SFXN5: variants seen among roughly 807,000 people sequenced by gnomAD.
SFXN5 encodes the protein sideroflexin-5.
A neutral mutation model predicts 50.2 loss-of-function variants in SFXN5; 43 were observed. That is an observed-to-expected ratio of 0.86 (90% confidence interval 0.67 to 1.11). The LOEUF (loss-of-function observed/expected upper bound fraction) is 1.11, where lower values mean the gene tolerates loss of function less well. SFXN5 is among the 50% of genes least tolerant of loss of function. SFXN5 has a pLI of 0.00. For missense variants in SFXN5, 463 were observed against 454.1 expected (o/e 1.02, Z -0.18); for synonymous variants, 203 against 185.8 (o/e 1.09, Z -0.75).
intron 6 of SFXN5, among the ~76,000 whole-genome samples, chr2:73,001,785 A>C (rs1294067554): frequency 6.6e-6 from 1 of 152,212 alleles, no homozygotes; most frequent in African/African-American, 2.4e-5. Flanking sequence ...GCATAATCTT[A>C]TTTATTTAAA....
chr2:73,018,957 T>A (rs1676493898), intron 6 of SFXN5, among the ~76,000 whole-genome samples: 1 of 152,186 alleles, frequency 6.6e-6, no homozygotes, highest in East Asian at 1.9e-4. Context: ...AATGAGGGCA[T>A]ATATCCACTA....
At chr2:73,037,036 C>T (rs1351665681) in intron 3 of SFXN5, among the ~76,000 whole-genome samples, 1 of 152,260 alleles carries the variant, frequency 6.6e-6, no homozygotes, top group African/African-American at 2.4e-5. Flanking sequence ...CAAGGTGCTG[C>T]TTCCGCTCAT....
chr2:73,046,237 C>T (rs1680303582), intron 2 of SFXN5, among the ~76,000 whole-genome samples: 1 of 151,866 alleles, frequency 6.6e-6, no homozygotes, highest in Non-Finnish European at 1.5e-5. Context: ...GGTGAAACCC[C>T]ATCTCTACTG....
intron 12 of SFXN5, 92 bp downstream of exon 12, chr2:72,968,355 AC>A: frequency 8.7e-7 from 1 of 1,145,896 alleles, no homozygotes; most frequent in Non-Finnish European, 1.3e-6. Flanking sequence ...GCTTCCTGCC[AC>A]CCCCTCATCT....
At chr2:73,007,980 G>A (rs1265052481) in intron 6 of SFXN5, among the ~76,000 whole-genome samples, 1 of 152,200 alleles carries the variant, frequency 6.6e-6, no homozygotes, top group Non-Finnish European at 1.5e-5. Context: ...CATGGCTGGG[G>A]TCTGGTAATG....
At chr2:72,989,649 A>G (rs545022595) in intron 9 of SFXN5, among the ~76,000 whole-genome samples, 2 of 152,140 alleles carry the variant, frequency 1.3e-5, no homozygotes, top group Non-Finnish European at 2.9e-5. Flanking sequence ...GACGGCATGG[A>G]AAAGGCAAAG....
At position 72,970,775 on chromosome 2, in the gene SFXN5, C is replaced by T. The variant is rs1224199724; in HGVS notation, c.741+795G>A. On this transcript the variant is annotated intron_variant, in intron 11 of 13. Coordinates refer to ENST00000272433, the MANE Select transcript of SFXN5 (RefSeq NM_144579.3). ...TGATCTCGGCTCACTGCAACTTCTA[C>T]CCCCCGGGTTCAAGCAATTCTCCTG... 2.0e-5 allele frequency among the ~76,000 whole-genome samples: 3 copies of T among 151,818 alleles called. No homozygotes were observed. The East Asian group carries it at 5.8e-4, about 29-fold the overall frequency.
At chr2:73,010,156 T>C (rs1024389269) in intron 6 of SFXN5, among the ~76,000 whole-genome samples, 1 of 152,234 alleles carries the variant, frequency 6.6e-6, no homozygotes, top group Non-Finnish European at 1.5e-5. Context: ...CCCTTCTTTC[T>C]TACTAATAGA....
chr2:73,033,943 C>CA (rs1356680138), intron 3 of SFXN5, among the ~76,000 whole-genome samples: 1 of 152,154 alleles, frequency 6.6e-6, no homozygotes, highest in Non-Finnish European at 1.5e-5. Context: ...GTACACTGGA[C>CA]AGCCCTCGCA....
At chr2:73,016,263 T>A (rs1182200420) in intron 6 of SFXN5, among the ~76,000 whole-genome samples, 1 of 152,244 alleles carries the variant, frequency 6.6e-6, no homozygotes, top group Non-Finnish European at 1.5e-5. Context: ...TTGGCATTAT[T>A]CATGATGGCA....
At chr2:72,952,915 G>T (rs1672690537) in intron 13 of SFXN5, among the ~76,000 whole-genome samples, 1 of 152,132 alleles carries the variant, frequency 6.6e-6, no homozygotes, top group Non-Finnish European at 1.5e-5. Context: ...GTTCCACTTT[G>T]CATGTATTAA....
intron 10 of SFXN5, among the ~76,000 whole-genome samples, chr2:72,985,043 C>T (rs1671734370): frequency 6.6e-6 from 1 of 152,166 alleles, no homozygotes; most frequent in African/African-American, 2.4e-5. Context: ...GCACAAGCCT[C>T]TTCAGGACCC....
intron 13 of SFXN5, among the ~76,000 whole-genome samples, chr2:72,948,377 T>C (rs1432376832): frequency 6.6e-6 from 1 of 152,248 alleles, no homozygotes; most frequent in Non-Finnish European, 1.5e-5. Context: ...CTTTTAAATA[T>C]AATCAGTAAA....
At chr2:72,968,309 C>A (rs1264827050) in intron 12 of SFXN5, 139 bp downstream of exon 12, 4 of 712,566 alleles carry the variant, frequency 5.6e-6, no homozygotes, top group African/African-American at 3.6e-5. Flanking sequence ...CAAGATGGAG[C>A]AAGACACCTT....
At position 73,028,094 on chromosome 2, in the gene SFXN5, A is replaced by G. The variant is rs113855853; in HGVS notation, c.250-4880T>C. ...TGTACAGGTTTGTAGCCTAGGAGCA[A>G]TAGGCTATACCATACAGCCTAGGTG... On this transcript the variant is annotated intron_variant, in intron 3 of 13. Coordinates refer to ENST00000272433, the MANE Select transcript of SFXN5 (RefSeq NM_144579.3). Among the ~76,000 whole-genome samples the G allele has an allele frequency of 3.2e-3, 485 of 152,280 alleles. 6 individuals are homozygous for G. Among genetic ancestry groups the G allele is most frequent in the African/African-American group, 0.01 (423 of 41,546 alleles).
rs985878534 is a variant in SFXN5 at position 73,023,204 on chromosome 2, G to A, written c.260C>T (p.Ala87Val). Residue 87 changes from alanine (A) to valine (V), a missense_variant, in exon 4 of 14, where the codon GCA becomes GTA. By Grantham distance (64) the Ala-to-Val change is moderately conservative. Coordinates refer to ENST00000272433, the MANE Select transcript of SFXN5 (RefSeq NM_144579.3). ...CTGGATTACCTGCTTGATTTTCTGT[G>A]CACTCCAGAGCTGGAAGAGAGATAA... Reference protein sequence around the residue: ...PGVTNEQLWSAQKIKQAILHP... With the variant: ...PGVTNEQLWSVQKIKQAILHP... The A allele has an allele frequency of 1.9e-6, 3 of 1,603,156 alleles. No homozygotes were observed. In the African/African-American group the frequency reaches 4.0e-5, roughly 22 times the overall value.
intron 10 of SFXN5, among the ~76,000 whole-genome samples, chr2:72,972,369 G>A (rs1375817904): frequency 2.0e-5 from 3 of 152,272 alleles, no homozygotes; most frequent in Non-Finnish European, 4.4e-5. Flanking sequence ...GGCAGGAGCA[G>A]CGGGCTGAGT....
intron 10 of SFXN5, among the ~76,000 whole-genome samples, chr2:72,977,513 G>A (rs1251758311): frequency 6.6e-6 from 1 of 152,110 alleles, no homozygotes. Flanking sequence ...AAAAAAATCT[G>A]CAGGAGTTCT....
At chr2:73,040,829 A>G in intron 3 of SFXN5, 25 bp downstream of exon 3, 7 of 1,590,362 alleles carry the variant, frequency 4.4e-6, no homozygotes, top group Non-Finnish European at 4.3e-6. Context: ...CCCACTGGCC[A>G]TGCTCCCACC....
Sources: allele counts gnomAD v4.1 joint callset (sites outside exome capture counted in the v4.1 genomes callset), GRCh38; gene constraint gnomAD v4.1.1; transcripts MANE v1.5; gene names NCBI Gene and HGNC (gene_info 2026-07-23, HGNC 2026-07-21).